The following MYO5B variants were observed in gnomAD, a reference collection of about 807,000 sequenced individuals.
MYO5B encodes myosin VB.
A neutral mutation model predicts 229.3 loss-of-function variants in MYO5B; 143 were observed. That is an observed-to-expected ratio of 0.62 (90% CI 0.54 to 0.72). The LOEUF (loss-of-function observed/expected upper bound fraction) is 0.72, where lower values mean the gene tolerates loss of function less well. Among genes scored for constraint, MYO5B ranks in the 30% least tolerant of loss-of-function variants. The pLI, the probability that MYO5B is intolerant of heterozygous loss-of-function variation, is 0.00. For synonymous variants in MYO5B, 918 were observed against 885.2 expected (o/e 1.04, Z -0.66); for missense variants, 2,321 against 2,331.0 (o/e 1.00, Z 0.09).
At chr18:49,976,158 A>G (rs574139633) in intron 9 of MYO5B, among the ~76,000 whole-genome samples, 2 of 152,352 alleles carry the variant, frequency 1.3e-5, no homozygotes, top group East Asian at 1.9e-4. Flanking sequence ...CCTTCAGAAC[A>G]TGATGTGCCA....
At chr18:50,015,560 G>A (rs2026207396) in intron 4 of MYO5B, among the ~76,000 whole-genome samples, 1 of 152,190 alleles carries the variant, frequency 6.6e-6, no homozygotes, top group Admixed American at 6.5e-5. Context: ...AGTGTCATCT[G>A]TCAAAATCTA....
At chr18:49,833,242 G>A (rs2023944189) in intron 39 of MYO5B, among the ~76,000 whole-genome samples, 1 of 152,142 alleles carries the variant, frequency 6.6e-6, no homozygotes, top group Non-Finnish European at 1.5e-5. Flanking sequence ...TGAATGCTTT[G>A]GTGAGTTTAA....
chr18:50,031,638 T>C (rs1247721731), intron 4 of MYO5B, among the ~76,000 whole-genome samples: 10 of 152,216 alleles, frequency 6.6e-5, no homozygotes, highest in Non-Finnish European at 1.5e-4. Flanking sequence ...GCTAAGTTTC[T>C]GATGAGAAGG....
At chr18:49,873,656 GGAT>G (rs1013727171) in intron 26 of MYO5B, among the ~76,000 whole-genome samples, 6 of 152,214 alleles carry the variant, frequency 3.9e-5, no homozygotes, top group Non-Finnish European at 8.8e-5. Context: ...ATGTGTCCGT[GGAT>G]GATATTGAGT....
intron 30 of MYO5B, among the ~76,000 whole-genome samples, chr18:49,855,886 AC>A (rs1485428280): frequency 3.3e-5 from 5 of 152,352 alleles, no homozygotes; most frequent in Non-Finnish European, 7.3e-5. Context: ...CTGCTCCGCC[AC>A]CACCTGGCTG....
chr18:50,046,038 G>A (rs889595677), intron 2 of MYO5B, among the ~76,000 whole-genome samples: 6 of 152,190 alleles, frequency 3.9e-5, no homozygotes, highest in African/African-American at 1.2e-4. Flanking sequence ...TCATACAGTG[G>A]ACAGAAGAGG....
chr18:50,020,622 C>T (rs2026263606), intron 4 of MYO5B, among the ~76,000 whole-genome samples: 1 of 152,188 alleles, frequency 6.6e-6, no homozygotes, highest in Non-Finnish European at 1.5e-5. Flanking sequence ...GGGGGATGGA[C>T]CCAGGAGTCA....
At chr18:49,974,650 T>C in intron 9 of MYO5B, 35 bp from the exon 10 acceptor site, 2 of 1,602,432 alleles carry the variant, frequency 1.2e-6, no homozygotes, top group Middle Eastern at 1.7e-4. Flanking sequence ...TCAGGAGGAG[T>C]GTGGGAGACA....
At chr18:49,842,598 T>TC (rs2024072130) in intron 34 of MYO5B, among the ~76,000 whole-genome samples, 1 of 152,112 alleles carries the variant, frequency 6.6e-6, no homozygotes, top group Non-Finnish European at 1.5e-5. Context: ...GAATCTCACC[T>TC]CCCCCACTGC....
chr18:50,098,168 C>A (rs749743011), intron 1 of MYO5B, among the ~76,000 whole-genome samples: 1 of 152,186 alleles, frequency 6.6e-6, no homozygotes, highest in Non-Finnish European at 1.5e-5. Flanking sequence ...ATCCAACATC[C>A]TCCATCAAGC....
At chr18:49,860,479 T>G (rs939382446) in intron 29 of MYO5B, among the ~76,000 whole-genome samples, 7 of 152,176 alleles carry the variant, frequency 4.6e-5, no homozygotes, top group African/African-American at 1.7e-4. Context: ...GAAAGCTTTG[T>G]GGAAGCAGAA....
chr18:50,189,549 G>A lies in MYO5B; in HGVS notation c.27+5218C>T, dbSNP rs2033199695. 2.0e-5 allele frequency among the ~76,000 whole-genome samples: 3 copies of A among 152,200 alleles called. No individual in the cohort carries two copies. The South Asian group carries it at 6.2e-4, about 32-fold the overall frequency. On this transcript the variant is annotated intron_variant, in intron 1 of 39. Coordinates refer to ENST00000285039, the MANE Select transcript of MYO5B (RefSeq NM_001080467.3). ...AAACAGCTTCAGGAGCTTTGACAAA[G>A]AGATGGGTGCTGGCTATTGGGAGTG...
chr18:50,135,862 G>A (rs2032326818), intron 1 of MYO5B, among the ~76,000 whole-genome samples: 1 of 152,200 alleles, frequency 6.6e-6, no homozygotes, highest in South Asian at 2.1e-4. Flanking sequence ...GCCCTTGATA[G>A]GTGTGCCTGC....
At chr18:50,072,477 C>T (rs2030980605) in intron 1 of MYO5B, among the ~76,000 whole-genome samples, 1 of 152,114 alleles carries the variant, frequency 6.6e-6, no homozygotes, top group South Asian at 2.1e-4. Context: ...TGAACGCTGG[C>T]CCCAAACCTA....
chr18:49,841,385 T>G lies in MYO5B; in HGVS notation c.4681A>C (p.Lys1561Gln). 1 of 1,614,154 alleles carries G rather than the reference T, an allele frequency of 6.2e-7. No individual in the cohort carries two copies. The highest frequency in any genetic ancestry group is 8.5e-7 in the Non-Finnish European group (1 of 1,180,020). ...SNTCRLLHCL[K>Q]QYSGDEGFMT... ...CTCACCTCATCCCCGCTGTACTGCT[T>G]CAGACAGTGAAGAAGGCGGCAGGTG... Residue 1561 changes from lysine (K) to glutamine (Q), a missense_variant, in exon 35 of 40, where the codon AAG (lysine) becomes CAG (glutamine). This residue lies in a region of MYO5B where 2,113 missense variants were observed against 2,044.7 expected (regional missense o/e 1.03). Transcript: ENST00000285039.
chr18:50,143,319 G>T (rs538020094), intron 1 of MYO5B, among the ~76,000 whole-genome samples: 1 of 152,340 alleles, frequency 6.6e-6, no homozygotes, highest in African/African-American at 2.4e-5. Context: ...AAGGGCAGCT[G>T]TGTAGAATAA....
At chr18:49,904,632 C>A in intron 20 of MYO5B, 40 bp downstream of exon 20, 1 of 1,613,630 alleles carries the variant, frequency 6.2e-7, no homozygotes, top group Non-Finnish European at 8.5e-7. Flanking sequence ...CACTTTAGTT[C>A]TGAATCTGCA....
chr18:49,864,814 A>G lies in MYO5B; in HGVS notation c.3604-434T>C, dbSNP rs569560225. 4.6e-5 allele frequency among the ~76,000 whole-genome samples: 7 copies of G among 152,366 alleles called. No individual in the cohort carries two copies. The East Asian group carries it at 1.4e-3, about 29-fold the overall frequency. On this transcript the variant is annotated intron_variant, in intron 27 of 39. Coordinates refer to ENST00000285039, the MANE Select transcript of MYO5B (RefSeq NM_001080467.3). Reference sequence around the variant, plus strand: ...GGATTTCCTAAACTTATTTGCCCAGAGAACCCGTTGCTCCCTATTTTTCAG... The same window carrying G: ...GGATTTCCTAAACTTATTTGCCCAGGGAACCCGTTGCTCCCTATTTTTCAG...
chr18:50,124,754 C>A (rs1225287626), intron 1 of MYO5B, among the ~76,000 whole-genome samples: 2 of 151,900 alleles, frequency 1.3e-5, no homozygotes, highest in East Asian at 1.9e-4. Context: ...ATTGACACAT[C>A]TCTCCCCCCG....
Sources: allele counts gnomAD v4.1 joint callset (sites outside exome capture counted in the v4.1 genomes callset), GRCh38; gene constraint gnomAD v4.1.1; regional missense constraint gnomAD v4.1.1; transcripts MANE v1.5; gene names NCBI Gene and HGNC (gene_info 2026-07-23, HGNC 2026-07-21).